Variants in CFAP43 observed in about 807,000 individuals in gnomAD.
The protein encoded by CFAP43 is cilia- and flagella-associated protein 43.
A neutral mutation model predicts 218.9 loss-of-function variants in CFAP43; 155 were observed. That is an observed-to-expected ratio of 0.71 (90% CI 0.62 to 0.81). The LOEUF is 0.81. Ranked by LOEUF, CFAP43 falls within the 30% of genes least tolerant of loss-of-function variation. The pLI is 0.00. For missense variants in CFAP43, 1,778 were observed against 1,954.3 expected, an observed-to-expected ratio of 0.91 and a Z score of 1.70; for synonymous variants, 645 against 681.3, an observed-to-expected ratio of 0.95 and a Z score of 0.83.
intron 28 of CFAP43, among the ~76,000 whole-genome samples, chr10:104,148,543 TC>T (rs1392604204): frequency 1.3e-5 from 2 of 152,132 alleles, no homozygotes; most frequent in African/African-American, 2.4e-5. Flanking sequence ...CATGAATAGA[TC>T]AATTCCCTCC....
At chr10:104,228,796 T>C (rs2091371582) in intron 2 of CFAP43, among the ~76,000 whole-genome samples, 2 of 152,232 alleles carry the variant, frequency 1.3e-5, no homozygotes, top group South Asian at 4.1e-4. Flanking sequence ...TACTGAGCAT[T>C]CTTTTGTTAG....
Position 104,188,285 on chromosome 10 carries a change from T to C in CFAP43, c.1672A>G (p.Thr558Ala), listed in dbSNP as rs200510430. The C allele has an allele frequency of 6.2e-7, 1 of 1,614,050 alleles. No homozygotes were observed. The highest frequency in any genetic ancestry group is 1.3e-5 in the African/African-American group (1 of 75,066). Residue 558 changes from threonine (T) to alanine (A), a missense_variant, in exon 13 of 38, where the codon ACA (threonine) becomes GCA (alanine). Physicochemically the swap from Thr to Ala is moderately conservative, Grantham distance 58. Coordinates refer to ENST00000357060, the MANE Select transcript of CFAP43 (RefSeq NM_025145.7). ...TTTTCCTTACCTTGTGGCAGTAATG[T>C]AGGCAGTGTGAACATCTCCAACCTG... The part of the protein sequence containing the change: ...RSRLEMFTLP[T>A]LLPQVSTTFA...
At position 104,179,890 on chromosome 10, in the gene CFAP43, G is replaced by C. The variant is rs771644029; in HGVS notation, c.2332C>G (p.Leu778Val). 1 of 1,613,752 alleles carries C rather than the reference G, an allele frequency of 6.2e-7. No individual in the cohort carries two copies. The highest frequency in any genetic ancestry group is 1.1e-5 in the South Asian group (1 of 90,940). Residue 778 changes from leucine (L) to valine (V), a missense_variant, in exon 18 of 38, where the codon CTA becomes GTA. Around this residue, in one of 3 missense-constraint regions of CFAP43, gnomAD observed 1,553 missense variants for 1,685.2 expected, o/e 0.92. Coordinates refer to ENST00000357060, the MANE Select transcript of CFAP43 (RefSeq NM_025145.7). ...STDLSQDELV[L>V]TDVKKEIPWI... is the part of the protein sequence containing the mutation. The stretch of plus-strand genomic sequence containing the variant: ...GGAATTTCCTTCTTAACATCGGTTA[G>C]AACTAATTCATCTTGTGATAAGTCA...
chr10:104,186,596 G>A (rs2090038964), intron 14 of CFAP43, among the ~76,000 whole-genome samples: 1 of 152,008 alleles, frequency 6.6e-6, no homozygotes. Flanking sequence ...CACCAAAATT[G>A]TATGCAATAT....
At chr10:104,147,748 C>T (rs1051094671) in intron 29 of CFAP43, 143 bp downstream of exon 29, 14 of 454,844 alleles carry the variant, frequency 3.1e-5, no homozygotes, top group Non-Finnish European at 7.4e-6. Flanking sequence ...AGCAAAGTTC[C>T]AGACAGGGAG....
At chr10:104,214,203 T>C (rs2090949167) in intron 4 of CFAP43, 56 bp downstream of exon 4, 2 of 1,492,252 alleles carry the variant, frequency 1.3e-6, no homozygotes, top group Admixed American at 4.7e-5. Context: ...CCAATCACAT[T>C]ACACGAATGC....
intron 27 of CFAP43, among the ~76,000 whole-genome samples, chr10:104,153,524 A>T (rs1322784058): frequency 6.6e-6 from 1 of 152,322 alleles, no homozygotes; most frequent in East Asian, 1.9e-4. Context: ...GTAGCCCACA[A>T]ATATACACAC....
In CFAP43 at chr10:104,166,593, C is replaced by A. The variant is rs1366438679; in HGVS notation, c.2934G>T (p.Leu978=). 1 of 1,613,984 alleles carries A rather than the reference C, an allele frequency of 6.2e-7. No individual in the cohort carries two copies. Among genetic ancestry groups the A allele is most frequent in the East Asian group, 2.2e-5 (1 of 44,884 alleles). Reference sequence around the variant, plus strand: ...CAAAATCAGTACTCAGACTACCAAGCAGGTAATTGGGCAAATTGCTATATT... The same window carrying A: ...CAAAATCAGTACTCAGACTACCAAGAAGGTAATTGGGCAAATTGCTATATT... ...TVKYSNLPNY[L]LGSLSTDFGV... The change falls in exon 23 of 38, where the codon CTG becomes CTT. Residue 978 remains leucine (L), a synonymous_variant. Transcript: ENST00000357060.
intron 3 of CFAP43, among the ~76,000 whole-genome samples, chr10:104,219,539 G>A (rs539867985): frequency 6.6e-6 from 1 of 152,288 alleles, no homozygotes; most frequent in East Asian, 1.9e-4. Flanking sequence ...GCTCCCCACT[G>A]CCTTTAGGAT....
intron 6 of CFAP43, 95 bp downstream of exon 6, chr10:104,207,570 A>G (rs1589780134): frequency 1.1e-5 from 13 of 1,197,962 alleles, no homozygotes; most frequent in Middle Eastern, 2.6e-4. Context: ...AAGAAGGAGG[A>G]TTCAAAGATG....
At chr10:104,183,437 C>T (rs1417358247) in intron 16 of CFAP43, among the ~76,000 whole-genome samples, 1 of 148,884 alleles carries the variant, frequency 6.7e-6, no homozygotes, top group African/African-American at 2.5e-5. Context: ...GGCCGGACTG[C>T]GGACTGCAGT....
intron 1 of CFAP43, 61 bp from the exon 2 acceptor site, chr10:104,230,904 C>A (rs983993116): frequency 2.2e-4 from 315 of 1,462,706 alleles, no homozygotes; most frequent in Non-Finnish European, 2.7e-4. Context: ...TTTTTTTTAA[C>A]AAAGCAAAGG....
chr10:104,171,536 T>C (rs1469595387), intron 20 of CFAP43, among the ~76,000 whole-genome samples: 3 of 152,220 alleles, frequency 2.0e-5, no homozygotes, highest in African/African-American at 7.2e-5. Flanking sequence ...GGTGTAGTTG[T>C]TTAATCTATT....
intron 10 of CFAP43, among the ~76,000 whole-genome samples, chr10:104,196,213 A>C (rs2090377372): frequency 6.6e-6 from 1 of 152,190 alleles, no homozygotes; most frequent in African/African-American, 2.4e-5. Flanking sequence ...ATATCATTTA[A>C]ACTGCTGGAT....
chr10:104,167,556 G>A, intron 22 of CFAP43, 65 bp downstream of exon 22: 1 of 1,284,988 alleles, frequency 7.8e-7, no homozygotes, highest in East Asian at 2.4e-5. Context: ...ACTCAAACCT[G>A]AACAAAGGAG....
chr10:104,230,686 T>C lies in CFAP43; in HGVS notation c.223A>G (p.Ile75Val), dbSNP rs1253343051. Residue 75 changes from isoleucine to valine, a missense_variant, in exon 2 of 38, where the codon ATC becomes GTC. Ile to Val is a conservative substitution (Grantham distance 29). Transcript: ENST00000357060. ...NGIVGVMATN[I>V]PCEVVAFSDR... The stretch of plus-strand genomic sequence containing the variant: ...GAAAAAGCCACAACTTCACAGGGGA[T>C]GTTAGTTGCCATGACGCCCACAATT... 6.2e-7 allele frequency: 1 copy of C among 1,614,098 alleles called. No individual in the cohort carries two copies.
chr10:104,182,302 C>A, intron 17 of CFAP43, 64 bp downstream of exon 17: 4 of 1,451,462 alleles, frequency 2.8e-6, no homozygotes, highest in South Asian at 1.6e-5. Context: ...AACCACAAAC[C>A]GAAAACTTCT....
rs2134810191 is a variant in CFAP43 at position 104,161,132 on chromosome 10, G to A, written c.3445C>T (p.Pro1149Ser). Residue 1149 changes from proline to serine, a missense_variant, in exon 27 of 38, where the codon CCT becomes TCT. Coordinates refer to ENST00000357060, the MANE Select transcript of CFAP43 (RefSeq NM_025145.7). ...VIPQPAFMAK[P>S]DAVWTEEERK... ...TCTTCTTCAGTCCACACAGCATCAG[G>A]TTTTGCCATGAAAGCAGGTTGAGGA... 6.2e-7 allele frequency: 1 copy of A among 1,613,620 alleles called. No individual in the cohort carries two copies. Among genetic ancestry groups the A allele is most frequent in the African/African-American group, 1.3e-5 (1 of 74,982 alleles).
At chr10:104,191,741 C>CA (rs201046047) in intron 12 of CFAP43, among the ~76,000 whole-genome samples, 4 of 137,770 alleles carry the variant, frequency 2.9e-5, no homozygotes, top group South Asian at 2.3e-4. Flanking sequence ...GTGTGAGGAG[C>CA]AAAAAAAAAA....
Sources: allele counts gnomAD v4.1 joint callset (sites outside exome capture counted in the v4.1 genomes callset), GRCh38; gene constraint gnomAD v4.1.1; regional missense constraint gnomAD v4.1.1; transcripts MANE v1.5; gene names NCBI Gene and HGNC (gene_info 2026-07-23, HGNC 2026-07-21).